The following RANBP2 variants were observed in gnomAD, a reference collection of about 807,000 sequenced individuals.
RANBP2 encodes the protein RAN binding protein 2.
Under a neutral mutation model 303.6 loss-of-function variants are expected in RANBP2, and 57 were observed. That is an observed-to-expected ratio of 0.19 (90% CI 0.15 to 0.23). The LOEUF (loss-of-function observed/expected upper bound fraction) is 0.23, where lower values mean the gene tolerates loss of function less well. Among genes scored for constraint, RANBP2 ranks in the 10% least tolerant of loss-of-function variants. The probability of loss-of-function intolerance (pLI) is 1.00; values close to 1 mark genes in which losing one functional copy is unlikely to be tolerated. For synonymous variants in RANBP2, 1,167 were observed against 1,301.5 expected, an observed-to-expected ratio of 0.90 and a Z score of 2.23; for missense variants, 3,138 against 3,780.8, an observed-to-expected ratio of 0.83 and a Z score of 4.46.
chr2:109,481,718 C>T, the RANBP2 span, among the ~76,000 whole-genome samples: 111 of 152,266 alleles, frequency 7.3e-4, 1 homozygote, highest in South Asian at 0.011. Context: ...TTACAGAGAG[C>T]ACACTAAGTG....
At chr2:109,602,394 A>C in the RANBP2 span, among the ~76,000 whole-genome samples, 1 of 152,132 alleles carries the variant, frequency 6.6e-6, no homozygotes, top group African/African-American at 2.4e-5. Context: ...ATAAAAAGTA[A>C]GCCGGGCACG....
chr2:109,479,340 C>T, the RANBP2 span, among the ~76,000 whole-genome samples: 124 of 152,274 alleles, frequency 8.1e-4, 1 homozygote, highest in South Asian at 2.1e-3. Context: ...TGAGTAGAGA[C>T]ACAGTGTTGT....
the RANBP2 span, among the ~76,000 whole-genome samples, chr2:109,059,102 T>G: frequency 2.0e-5 from 3 of 149,094 alleles, no homozygotes; most frequent in African/African-American, 5.0e-5. Context: ...AAAGCGGGGG[T>G]GGGGAAGGGG....
Position 108,783,856 on chromosome 2 carries a change from G to A in RANBP2, c.9630G>A (p.Gly3210=). The A allele has an allele frequency of 6.2e-7, 1 of 1,613,464 alleles. No homozygotes were observed. Among genetic ancestry groups the A allele is most frequent in the Non-Finnish European group, 8.5e-7 (1 of 1,179,496 alleles). ...KKIESFGSPK[G]SVCRRITITE... ...TTGAATCATTTGGTTCTCCCAAAGG[G>A]TCTGTTTGTCGAAGAATAACTATCA... is the stretch of plus-strand genomic sequence containing the variant. Residue 3210 remains glycine (G), a synonymous_variant, in exon 29 of 29, where the codon GGG becomes GGA. Transcript: ENST00000283195.
the RANBP2 span, among the ~76,000 whole-genome samples, chr2:109,692,757 T>C: frequency 6.6e-6 from 1 of 152,158 alleles, no homozygotes; most frequent in Non-Finnish European, 1.5e-5. Flanking sequence ...AGGGCCCACA[T>C]GCGCCTCGTT....
At chr2:108,805,953 A>C in the RANBP2 span, among the ~76,000 whole-genome samples, 1 of 152,210 alleles carries the variant, frequency 6.6e-6, no homozygotes, top group East Asian at 1.9e-4. Flanking sequence ...GTCACTTTGA[A>C]AATGAAAGCA....
chr2:108,872,436 A>C, the RANBP2 span, among the ~76,000 whole-genome samples: 2 of 152,194 alleles, frequency 1.3e-5, no homozygotes, highest in Non-Finnish European at 2.9e-5. Context: ...TACTTTTACT[A>C]CATAGTTATA....
the RANBP2 span, among the ~76,000 whole-genome samples, chr2:109,651,720 A>G: frequency 6.6e-6 from 1 of 152,168 alleles, no homozygotes; most frequent in Non-Finnish European, 1.5e-5. Context: ...ATTTATGACA[A>G]GGAGGCCTGG....
the RANBP2 span, among the ~76,000 whole-genome samples, chr2:109,162,260 A>G: frequency 6.6e-6 from 1 of 152,208 alleles, no homozygotes. Flanking sequence ...GTGGTGGAGC[A>G]TCTCAGCAGA....
the RANBP2 span, among the ~76,000 whole-genome samples, chr2:109,484,162 G>A: frequency 1.3e-5 from 2 of 151,140 alleles, no homozygotes; most frequent in Non-Finnish European, 2.9e-5. Context: ...TGCCTTCTGG[G>A]TTCAAGCGAT....
chr2:108,908,117 C>T, the RANBP2 span: 1 of 1,343,638 alleles, frequency 7.4e-7, no homozygotes, highest in Non-Finnish European at 1.0e-6. Flanking sequence ...CAGCTGTGGA[C>T]AGTGGGGGGC....
the RANBP2 span, among the ~76,000 whole-genome samples, chr2:108,974,793 A>G: frequency 2.0e-5 from 3 of 152,230 alleles, no homozygotes; most frequent in East Asian, 3.9e-4. Context: ...CTGAGAGGGT[A>G]GAGGGAACTT....
the RANBP2 span, among the ~76,000 whole-genome samples, chr2:109,211,246 G>C: frequency 4.6e-5 from 7 of 152,232 alleles, no homozygotes; most frequent in African/African-American, 1.7e-4. Context: ...ATAAATGGCA[G>C]CTGGCTAGGT....
chr2:109,228,794 G>A, the RANBP2 span, among the ~76,000 whole-genome samples: 2 of 152,180 alleles, frequency 1.3e-5, no homozygotes, highest in Non-Finnish European at 2.9e-5. Context: ...CCCTCTCCAG[G>A]TGGGTGGATG....
the RANBP2 span, among the ~76,000 whole-genome samples, chr2:108,837,260 G>T: frequency 1.3e-5 from 2 of 152,180 alleles, no homozygotes; most frequent in African/African-American, 4.8e-5. Flanking sequence ...GTTGAATCTT[G>T]TTCAGTGCTT....
the RANBP2 span, among the ~76,000 whole-genome samples, chr2:109,628,713 A>G: frequency 2.6e-4 from 39 of 152,086 alleles, no homozygotes; most frequent in African/African-American, 8.4e-4. Context: ...CAACCTGTCC[A>G]CGTTGTGCTT....
the RANBP2 span, among the ~76,000 whole-genome samples, chr2:109,299,992 T>G: frequency 6.6e-6 from 1 of 152,208 alleles, no homozygotes; most frequent in African/African-American, 2.4e-5. Context: ...ATTTCGCTCT[T>G]TCTTCAAGAA....
At chr2:108,992,231 G>A in the RANBP2 span, among the ~76,000 whole-genome samples, 2 of 152,330 alleles carry the variant, frequency 1.3e-5, no homozygotes, top group East Asian at 3.9e-4. Flanking sequence ...GCAAATGCAC[G>A]TCACGTCTTC....
the RANBP2 span, among the ~76,000 whole-genome samples, chr2:109,429,924 CA>C: frequency 0.031 from 4,771 of 152,282 alleles, 126 homozygotes; most frequent in Middle Eastern, 0.096. Flanking sequence ...CAGCCCCAGT[CA>C]GCGGGTGTAG....
Sources: gnomAD v4.1 joint callset for allele counts (sites outside exome capture counted in the v4.1 genomes callset) on GRCh38, gnomAD v4.1.1 for gene constraint, MANE v1.5 for transcripts, NCBI Gene and HGNC (gene_info 2026-07-23, HGNC 2026-07-21) for gene names.